Variants in LRRC7 observed in about 807,000 individuals in gnomAD.
The protein encoded by LRRC7 is leucine rich repeat containing 7.
A neutral mutation model predicts 175.7 loss-of-function variants in LRRC7; 23 were observed. The ratio of observed to expected loss-of-function variants is 0.13; its 90% CI spans 0.09 to 0.19. The LOEUF is 0.19. Among genes scored for constraint, LRRC7 ranks in the 10% least tolerant of loss-of-function variants. The probability of loss-of-function intolerance (pLI) is 1.00; values close to 1 mark genes in which losing one functional copy is unlikely to be tolerated. For synonymous variants in LRRC7, 685 were observed against 680.9 expected (o/e 1.01, Z -0.09); for missense variants, 1,354 against 1,904.7 (o/e 0.71, Z 5.38).
chr1:69,570,079 G>A (rs562068276), intron 1 of LRRC7, among the ~76,000 whole-genome samples: 17 of 152,194 alleles, frequency 1.1e-4, no homozygotes, highest in Non-Finnish European at 2.2e-4. Flanking sequence ...TCGAAATGTG[G>A]CTCTCCTGGT....
intron 11 of LRRC7, among the ~76,000 whole-genome samples, chr1:70,001,187 G>T (rs1655486062): frequency 6.6e-6 from 1 of 151,920 alleles, no homozygotes. Context: ...TATAGTTGTT[G>T]TATAGTAATC....
chr1:69,858,325 A>G lies in LRRC7; in HGVS notation c.647+20042A>G, dbSNP rs189292485. ...AAACTATCATCAGAGTGAACAGACAACCTACAGAATGGAAGAAAATTTTTG... is the reference window on the plus strand; with the variant it reads ...AAACTATCATCAGAGTGAACAGACAGCCTACAGAATGGAAGAAAATTTTTG... On this transcript the variant is annotated intron_variant, in intron 7 of 26. Transcript: ENST00000651989. Among the ~76,000 whole-genome samples the G allele has an allele frequency of 2.0e-4, 31 of 152,292 alleles. No homozygotes were observed. The East Asian group carries it at 5.2e-3, about 26-fold the overall frequency.
Position 69,792,148 on chromosome 1 carries a change from A to G in LRRC7, c.409A>G (p.Ile137Val), listed in dbSNP as rs376095080. 1 of 1,577,180 alleles carries G rather than the reference A, an allele frequency of 6.3e-7. No homozygotes were observed. Among genetic ancestry groups the G allele is most frequent in the Middle Eastern group, 1.7e-4 (1 of 5,952 alleles). Residue 137 changes from isoleucine to valine, a missense_variant, in exon 4 of 27, where the codon ATC becomes GTC. Ile to Val is a conservative substitution (Grantham distance 29). Around this residue, in one of 4 missense-constraint regions of LRRC7, gnomAD observed 201 missense variants for 481.4 expected, o/e 0.42. Transcript: ENST00000651989. Reference sequence around the variant, plus strand: ...TTTAGTTAATCTTAAAGAACTCGACATCAGTAAAAATGGTAAGATTTTTCT... The same window carrying G: ...TTTAGTTAATCTTAAAGAACTCGACGTCAGTAAAAATGGTAAGATTTTTCT... ...ASLVNLKELD[I>V]SKNGVQEFPE...
chr1:69,820,724 G>A (rs1021035929), intron 4 of LRRC7, among the ~76,000 whole-genome samples: 9 of 152,088 alleles, frequency 5.9e-5, no homozygotes, highest in Non-Finnish European at 1.2e-4. Context: ...GTATTCCATG[G>A]TGTATATGTG....
chr1:69,671,143 T>G (rs575522201), intron 1 of LRRC7, among the ~76,000 whole-genome samples: 10 of 152,284 alleles, frequency 6.6e-5, no homozygotes, highest in Non-Finnish European at 1.2e-4. Flanking sequence ...CCAGCAAGTC[T>G]GAGTCTCACC....
chr1:69,872,553 T>C (rs1291227350), intron 7 of LRRC7, among the ~76,000 whole-genome samples: 2 of 152,216 alleles, frequency 1.3e-5, no homozygotes, highest in East Asian at 3.9e-4. Flanking sequence ...ATTTGAGCTA[T>C]TGCTGTATCT....
At chr1:69,614,184 T>A (rs1441588193) in intron 1 of LRRC7, among the ~76,000 whole-genome samples, 1 of 151,928 alleles carries the variant, frequency 6.6e-6, no homozygotes, top group Admixed American at 6.6e-5. Flanking sequence ...CATTGAAAAA[T>A]TTTATTGGTT....
intron 2 of LRRC7, among the ~76,000 whole-genome samples, chr1:69,689,784 T>G (rs1661610721): frequency 6.6e-6 from 1 of 152,230 alleles, no homozygotes; most frequent in Non-Finnish European, 1.5e-5. Context: ...ATATTATGCT[T>G]CTATTAATAC....
intron 7 of LRRC7, among the ~76,000 whole-genome samples, chr1:69,929,776 A>G (rs1486272450): frequency 6.6e-6 from 1 of 152,140 alleles, no homozygotes; most frequent in African/African-American, 2.4e-5. Flanking sequence ...ATCTTTCATA[A>G]AAACCTTTCA....
intron 1 of LRRC7, among the ~76,000 whole-genome samples, chr1:69,653,258 T>G (rs1169213207): frequency 1.4e-5 from 2 of 146,852 alleles, no homozygotes; most frequent in Non-Finnish European, 3.0e-5. Context: ...TAACCCAATT[T>G]AAAAGTGGGC....
At chr1:69,647,409 A>G (rs1477211826) in intron 1 of LRRC7, among the ~76,000 whole-genome samples, 1 of 152,192 alleles carries the variant, frequency 6.6e-6, no homozygotes, top group African/African-American at 2.4e-5. Context: ...GTAAAATGCT[A>G]AATTTTTGCT....
chr1:70,098,273 G>A (rs946223082), intron 25 of LRRC7, among the ~76,000 whole-genome samples: 6 of 151,982 alleles, frequency 3.9e-5, no homozygotes, highest in South Asian at 2.1e-4. Flanking sequence ...TGAAACCAAC[G>A]AGAACAAAGA....
intron 1 of LRRC7, among the ~76,000 whole-genome samples, chr1:69,577,167 T>C (rs1645987597): frequency 6.6e-6 from 1 of 152,176 alleles, no homozygotes. Context: ...TGTACTTTGG[T>C]ACAAGAAGAA....
intron 7 of LRRC7, among the ~76,000 whole-genome samples, chr1:69,867,691 C>T (rs551501353): frequency 2.0e-5 from 3 of 152,010 alleles, no homozygotes; most frequent in East Asian, 1.9e-4. Flanking sequence ...GAGATAGAGT[C>T]GAAACATTTA....
At chr1:69,801,543 C>T (rs1433687229) in intron 4 of LRRC7, among the ~76,000 whole-genome samples, 6 of 151,492 alleles carry the variant, frequency 4.0e-5, no homozygotes, top group South Asian at 2.1e-4. Flanking sequence ...TTTGTATTTC[C>T]GTGGCATCAG....
chr1:69,713,319 C>G lies in LRRC7; in HGVS notation c.100+34841C>G, dbSNP rs543078004. ...CAGGAAGCATAGTGAGACTTGGTCT[C>G]TCAAAAAAAAATGTATATATATATA... On this transcript the variant is annotated intron_variant, in intron 2 of 26. Coordinates refer to ENST00000651989, the MANE Select transcript of LRRC7 (RefSeq NM_001370785.2). Among the ~76,000 whole-genome samples, 3 of 146,016 alleles carry G rather than the reference C, an allele frequency of 2.1e-5. No homozygotes were observed. The South Asian group carries it at 6.9e-4, about 33-fold the overall frequency.
chr1:69,685,639 A>G (rs1372838336), intron 2 of LRRC7, among the ~76,000 whole-genome samples: 1 of 152,162 alleles, frequency 6.6e-6, no homozygotes, highest in African/African-American at 2.4e-5. Context: ...AAAGAGATTA[A>G]ATGAATATGT....
In LRRC7 at chr1:69,986,364, G is replaced by A; in HGVS notation, c.909G>A (p.Leu303=). Residue 303 remains leucine (L), a synonymous_variant, in exon 10 of 27, where the codon TTG becomes TTA. Coordinates refer to ENST00000651989, the MANE Select transcript of LRRC7 (RefSeq NM_001370785.2). The part of the protein sequence containing the change: ...LEDLLLSSNM[L]QQLPDSIGLL... ...ACCTCTTATTGTCATCCAATATGTT[G>A]CAACAATTGCCTGATTCTATAGGTG... The A allele has an allele frequency of 1.2e-6, 2 of 1,612,876 alleles. No homozygotes were observed. Among genetic ancestry groups the A allele is most frequent in the Non-Finnish European group, 1.7e-6 (2 of 1,179,430 alleles).
intron 7 of LRRC7, among the ~76,000 whole-genome samples, chr1:69,899,083 T>TA (rs539405525): frequency 7.8e-4 from 119 of 152,298 alleles, no homozygotes; most frequent in African/African-American, 2.7e-3. Flanking sequence ...AGTATTTTTT[T>TA]ATCTGTGAGC....
Sources: gnomAD v4.1 joint callset for allele counts (sites outside exome capture counted in the v4.1 genomes callset) on GRCh38, gnomAD v4.1.1 for gene constraint, gnomAD v4.1.1 regional missense constraint, MANE v1.5 for transcripts, NCBI Gene and HGNC (gene_info 2026-07-23, HGNC 2026-07-21) for gene names.